ZNF706: variants seen among roughly 807,000 people sequenced by gnomAD.
ZNF706 encodes the protein zinc finger protein 706.
In ZNF706, 4 loss-of-function variants were observed where a neutral mutation model predicts 9.2. The ratio of observed to expected loss-of-function variants is 0.43; its 90% CI spans 0.21 to 0.99. ZNF706 has a LOEUF of 0.99. ZNF706 is among the 50% of genes least tolerant of loss of function. The probability of loss-of-function intolerance (pLI) is 0.26; values close to 1 mark genes in which losing one functional copy is unlikely to be tolerated. For missense variants in ZNF706, 27 were observed against 87.8 expected, an observed-to-expected ratio of 0.31 and a Z score of 2.77; for synonymous variants, 28 against 27.3, an observed-to-expected ratio of 1.03 and a Z score of -0.08.
At chr8:101,204,001 C>T (rs1810659284) in intron 1 of ZNF706, 1 of 152,172 alleles carries the variant, frequency 6.6e-6, no homozygotes, top group Non-Finnish European at 1.5e-5. Context: ...GTCTCAATGT[C>T]TTACTATCAG....
chr8:101,202,264 C>A (rs973692349), intron 1 of ZNF706: 1 of 142,112 alleles, frequency 7.0e-6, no homozygotes, highest in African/African-American at 2.7e-5. Flanking sequence ...GATGGTGAAA[C>A]CCTGTCTCTA....
chr8:101,204,007 A>C (rs1586269363), intron 1 of ZNF706: 1 of 152,238 alleles, frequency 6.6e-6, no homozygotes, highest in Non-Finnish European at 1.5e-5. Flanking sequence ...ATGTCTTACT[A>C]TCAGGACCTT....
chr8:101,199,373 A>G (rs1810476085), intron 3 of ZNF706, 134 bp from the exon 4 acceptor site: 1 of 574,034 alleles, frequency 1.7e-6, no homozygotes, highest in Non-Finnish European at 3.1e-6. Flanking sequence ...TTATATACAG[A>G]ACTCTGAAGA....
Position 101,200,203 on chromosome 8 carries a change from C to T in ZNF706, c.136-106G>A, listed in dbSNP as rs982381304. ...TCAGTATAGACAATTATCCCAAAAA[C>T]ACCTTTAAATTCCTACAACTTAGTG... On this transcript the variant is annotated intron_variant, in intron 2 of 3. Transcript: ENST00000311212. 53 of 853,670 alleles carry T rather than the reference C, an allele frequency of 6.2e-5. No individual in the cohort carries two copies. The Middle Eastern group carries it at 2.1e-3, about 34-fold the overall frequency. The allele number at this position is 853,670 out of a possible 1,614,324, so 52.9% of individuals were successfully genotyped here.
intron 3 of ZNF706, 140 bp from the exon 4 acceptor site, chr8:101,199,379 G>A: frequency 1.8e-6 from 1 of 564,910 alleles, no homozygotes; most frequent in Non-Finnish European, 3.2e-6. Flanking sequence ...ACAGAACTCT[G>A]AAGAATTTAT....
chr8:101,199,278 T>C (rs117040193), intron 3 of ZNF706, 39 bp from the exon 4 acceptor site: 8,327 of 699,892 alleles, frequency 0.012, 91 homozygotes, highest in Non-Finnish European at 0.016. Flanking sequence ...AATGTTACCA[T>C]TGCACAAATG....
intron 3 of ZNF706, among the ~76,000 whole-genome samples, 196 bp from the exon 4 acceptor site, chr8:101,199,435 C>A (rs371573490): frequency 2.6e-5 from 4 of 152,218 alleles, no homozygotes; most frequent in African/African-American, 9.6e-5. Flanking sequence ...CCACCACCAA[C>A]TCCACTATTT....
chr8:101,205,047 C>T lies in ZNF706; in HGVS notation c.-3+388G>A. The T allele has an allele frequency of 1.5e-6, 1 of 660,604 alleles. No individual in the cohort carries two copies. 40.9% of individuals were successfully genotyped at this position (660,604 alleles called of 1,614,324 possible). Reference sequence around the variant, plus strand: ...CCGCCTCGGAGACCCCCTCCTCCTCCCTGCCACCAAAGGCCACGCAGCCCC... The same window carrying T: ...CCGCCTCGGAGACCCCCTCCTCCTCTCTGCCACCAAAGGCCACGCAGCCCC... On this transcript the variant is annotated intron_variant, in intron 1 of 3. Coordinates refer to ENST00000311212, the MANE Select transcript of ZNF706 (RefSeq NM_016096.5). The surrounding 1 kb of genome is among the most constrained non-coding windows in gnomAD (Gnocchi z 6.6).
Position 101,198,460 on chromosome 8 carries a change from A to G in ZNF706, c.*792T>C, listed in dbSNP as rs746345156. The G allele has an allele frequency of 2.6e-5, 4 of 152,220 alleles. No individual in the cohort carries two copies. Among genetic ancestry groups the G allele is most frequent in the Non-Finnish European group, 5.9e-5 (4 of 68,026 alleles). 9.4% of individuals were successfully genotyped at this position (152,220 alleles called of 1,614,324 possible). On this transcript the variant is annotated 3_prime_UTR_variant, in exon 4 of 4. Coordinates refer to ENST00000311212, the MANE Select transcript of ZNF706 (RefSeq NM_016096.5). ...TATAGTATCAAGATCGACCTTTACC[A>G]GTTCACATTTGTTCCATATTTTGCA...
rs75677101 is a variant in ZNF706, at chr8:101,200,255, G to A, written c.136-158C>T. ...CTGGCATATGAAGAGGGACTTTGTG[G>A]TAAAGAAATTCCTAACGTTCCCACA... On this transcript the variant is annotated intron_variant, in intron 2 of 3. Coordinates refer to ENST00000311212, the MANE Select transcript of ZNF706 (RefSeq NM_016096.5). 3.6e-3 allele frequency: 2,036 copies of A among 562,148 alleles called. 5 individuals are homozygous for A. Among genetic ancestry groups the A allele is most frequent in the African/African-American group, 8.5e-3 (452 of 52,872 alleles). 34.8% of individuals were successfully genotyped at this position (562,148 alleles called of 1,614,324 possible). A position where few individuals can be genotyped will look rare whatever the true frequency, so the allele number is the denominator to read the frequency against.
intron 1 of ZNF706, chr8:101,204,847 C>T (rs1320488226): frequency 1.1e-5 from 11 of 985,508 alleles, no homozygotes; most frequent in African/African-American, 1.7e-5. Flanking sequence ...GGCTCATTCT[C>T]CATAACCATC....
chr8:101,200,194 T>A, intron 2 of ZNF706, 97 bp from the exon 3 acceptor site: 1 of 927,766 alleles, frequency 1.1e-6, no homozygotes, highest in African/African-American at 1.7e-5. Flanking sequence ...TAGACAATTA[T>A]CCCAAAAACA....
rs531173598 is a variant in ZNF706, at chr8:101,197,438, A to G, written c.*1814T>C. ...ATGCAGCTATTTCCCTATCACTGAG[A>G]TATAGTGTTAAATATGGTGTCTTCA... is the stretch of plus-strand genomic sequence containing the variant. On this transcript the variant is annotated 3_prime_UTR_variant, in exon 4 of 4. Transcript: ENST00000311212. 6.6e-6 allele frequency: 1 copy of G among 152,248 alleles called. No homozygotes were observed. Among genetic ancestry groups the G allele is most frequent in the African/African-American group, 2.4e-5 (1 of 41,554 alleles). 9.4% of individuals were successfully genotyped at this position (152,248 alleles called of 1,614,324 possible). A position where few individuals can be genotyped will look rare whatever the true frequency, so the allele number is the denominator to read the frequency against.
intron 1 of ZNF706, chr8:101,203,937 G>A (rs950096751): frequency 3.3e-5 from 5 of 152,244 alleles, no homozygotes; most frequent in African/African-American, 1.2e-4. Flanking sequence ...TTATTTGGAC[G>A]ACAGTAGTCA....
intron 1 of ZNF706, chr8:101,204,614 C>A: frequency 1.0e-6 from 1 of 985,428 alleles, no homozygotes; most frequent in Non-Finnish European, 1.2e-6. Context: ...TTAAATGCGA[C>A]AAACTGGAGG....
At chr8:101,204,859 G>C in intron 1 of ZNF706, 1 of 985,634 alleles carries the variant, frequency 1.0e-6, no homozygotes, top group Non-Finnish European at 1.2e-6. Context: ...ATAACCATCG[G>C]AAAGGAAGAG....
At position 101,197,784 on chromosome 8, in the gene ZNF706, T is replaced by C. The variant is rs887541010; in HGVS notation, c.*1468A>G. On this transcript the variant is annotated 3_prime_UTR_variant, in exon 4 of 4. Transcript: ENST00000311212. ...CTATTTTAAAGTAAGGGCATAAGAA[T>C]AGGAATTGCTAAGAAACTATCAGCC... is the stretch of plus-strand genomic sequence containing the variant. 4 of 152,146 alleles carry C rather than the reference T, an allele frequency of 2.6e-5. No homozygotes were observed. Among genetic ancestry groups the C allele is most frequent in the African/African-American group, 7.2e-5 (3 of 41,440 alleles). The allele number at this position is 152,146 out of a possible 1,614,324, so 9.4% of individuals were successfully genotyped here.
At chr8:101,205,893 C>T (rs1810754159), upstream of ZNF706, 1 of 152,366 alleles carries the variant, frequency 6.6e-6, no homozygotes, top group Non-Finnish European at 1.5e-5. This position sits in a 1 kb window ranked among gnomAD's most constrained non-coding sequence, Gnocchi z 6.6. Context: ...CGCCCCTCCT[C>T]TCCGGCGCGC....
At chr8:101,204,618 C>A in intron 1 of ZNF706, 4 of 985,406 alleles carry the variant, frequency 4.1e-6, no homozygotes, top group Non-Finnish European at 4.8e-6. Flanking sequence ...ATGCGACAAA[C>A]TGGAGGGAAA....
Sources: allele counts gnomAD v4.1 joint callset (sites outside exome capture counted in the v4.1 genomes callset), GRCh38; gene constraint gnomAD v4.1.1; non-coding constraint Gnocchi (gnomAD v3.1); transcripts MANE v1.5; gene names NCBI Gene and HGNC (gene_info 2026-07-23, HGNC 2026-07-21).